RBMXL1: variants seen among roughly 807,000 people sequenced by gnomAD.
RBMXL1 encodes the protein RNA binding motif protein, X-linked-like-1.
Under a neutral mutation model 29.0 loss-of-function variants are expected in RBMXL1, and 18 were observed. That is an observed-to-expected ratio of 0.62 (90% CI 0.43 to 0.92). The LOEUF is 0.92. RBMXL1 is among the 40% of genes least tolerant of loss of function. The probability of loss-of-function intolerance (pLI) is 0.00; values close to 1 mark genes in which losing one functional copy is unlikely to be tolerated. For synonymous variants in RBMXL1, 141 were observed against 170.4 expected (o/e 0.83, Z 1.34); for missense variants, 403 against 495.8 (o/e 0.81, Z 1.78).
chr1:88,988,250 ACAG>A lies in RBMXL1; in HGVS notation c.-242_-241+1del, dbSNP rs1677584509. 3.7e-6 allele frequency: 6 copies of A among 1,603,852 alleles called. No individual in the cohort carries two copies. In the South Asian group the frequency reaches 5.5e-5, roughly 15 times the overall value. On this transcript the variant is annotated splice_donor_variant and 5_prime_UTR_variant, in exon 2 of 3. Coordinates refer to ENST00000652648, the MANE Select transcript of RBMXL1 (RefSeq NM_001162536.3). LOFTEE classifies it low-confidence loss of function (5UTR_SPLICE). ...ATTTATCTGTAAGTAAGCAATACCT[ACAG>A]CAGAAGTAGAGAATCCGAGGATTTT... is the stretch of plus-strand genomic sequence containing the variant.
chr1:88,982,810 G>C lies in RBMXL1; in HGVS notation c.1017C>G (p.Asp339Glu). The C allele has an allele frequency of 6.2e-7, 1 of 1,613,960 alleles. No homozygotes were observed. Residue 339 changes from aspartate to glutamate, a missense_variant, in exon 3 of 3, where the codon GAC (aspartate) becomes GAG (glutamate). By Grantham distance (45) the Asp-to-Glu change is conservative. Coordinates refer to ENST00000652648, the MANE Select transcript of RBMXL1 (RefSeq NM_001162536.3). ...SSRSDLYSSCDRVGRQERGLP... is the reference protein window; with the variant it reads ...SSRSDLYSSCERVGRQERGLP... ...GCCCTCTTTCTTGTCTGCCAACCCT[G>C]TCACAACTTGAGTAGAGATCACTTC...
At chr1:88,990,020 T>G (rs1403157369) in intron 1 of RBMXL1, among the ~76,000 whole-genome samples, 1 of 152,146 alleles carries the variant, frequency 6.6e-6, no homozygotes, top group Non-Finnish European at 1.5e-5. Context: ...ATTCTTTAAA[T>G]TTTTCCCACA....
intron 2 of RBMXL1, among the ~76,000 whole-genome samples, chr1:88,986,192 AAG>A (rs372559399): frequency 3.0e-4 from 45 of 150,094 alleles, no homozygotes; most frequent in Admixed American, 1.8e-3. Context: ...AAAAAAAAAA[AAG>A]AGAGAGAGAG....
chr1:88,985,864 A>G (rs931384122), intron 2 of RBMXL1, among the ~76,000 whole-genome samples: 4 of 152,196 alleles, frequency 2.6e-5, no homozygotes, highest in Non-Finnish European at 2.9e-5. Context: ...CTAAATGTAC[A>G]AAAGGTGATA....
intron 1 of RBMXL1, among the ~76,000 whole-genome samples, chr1:88,992,017 C>T (rs553061356): frequency 6.9e-6 from 1 of 145,664 alleles, no homozygotes; most frequent in South Asian, 2.1e-4. Context: ...CTTGCTCTGT[C>T]GCCCAGGCTG....
intron 2 of RBMXL1, among the ~76,000 whole-genome samples, chr1:88,986,367 T>A (rs1388641015): frequency 6.6e-6 from 1 of 151,730 alleles, no homozygotes; most frequent in Non-Finnish European, 1.5e-5. Flanking sequence ...GGCTCACGCC[T>A]GTAATCCCAG....
intron 2 of RBMXL1, among the ~76,000 whole-genome samples, chr1:88,985,921 CT>C (rs1677423037): frequency 6.6e-6 from 1 of 152,092 alleles, no homozygotes. Context: ...TGACTCATGC[CT>C]GTAATCTCAG....
At chr1:88,989,848 T>C (rs537149534) in intron 1 of RBMXL1, among the ~76,000 whole-genome samples, 9 of 152,288 alleles carry the variant, frequency 5.9e-5, no homozygotes, top group African/African-American at 2.2e-4. Flanking sequence ...GCACATTACC[T>C]CCATCATGCA....
intron 2 of RBMXL1, among the ~76,000 whole-genome samples, chr1:88,987,476 T>A (rs1186951236): frequency 2.0e-5 from 3 of 152,194 alleles, no homozygotes; most frequent in Non-Finnish European, 2.9e-5. Context: ...AGATTAGAAT[T>A]AGGTTGAATA....
rs1557707112 is a variant in RBMXL1 at position 88,983,808 on chromosome 1, G to T, written c.19C>A (p.Pro7Thr). The T allele has an allele frequency of 3.1e-6, 5 of 1,613,778 alleles. No individual in the cohort carries two copies. Among genetic ancestry groups the T allele is most frequent in the Non-Finnish European group, 4.2e-6 (5 of 1,179,868 alleles). ...AGCCCACCAATGAAGAGCTTTCCTGGGCGATCTGCTTCAACCATTTTTTTT... is the reference window on the plus strand; with the variant it reads ...AGCCCACCAATGAAGAGCTTTCCTGTGCGATCTGCTTCAACCATTTTTTTT... MVEADR[P>T]GKLFIGGLNT... Residue 7 changes from proline (P) to threonine (T), a missense_variant, in exon 3 of 3, where the codon CCA becomes ACA. Transcript: ENST00000652648.
intron 1 of RBMXL1, 143 bp downstream of exon 1, chr1:88,992,442 T>A (rs1317084219): frequency 1.3e-5 from 2 of 152,634 alleles, no homozygotes; most frequent in Non-Finnish European, 1.5e-5. Flanking sequence ...TAGGGCCGAC[T>A]CCCTGCAGCC....
rs546599173 is a variant in RBMXL1, at chr1:88,982,603, CTT to C, written c.*49_*50del. 7.8e-6 allele frequency: 12 copies of C among 1,538,974 alleles called. No homozygotes were observed. The highest frequency in any genetic ancestry group is 1.4e-5 in the African/African-American group (1 of 71,998). On this transcript the variant is annotated 3_prime_UTR_variant, in exon 3 of 3. Transcript: ENST00000652648. ...TAGTTATGATAGAATAGTTTCCACTCTTTTTTTTGTTTCTTTGAACTGGGATT... is the reference window on the plus strand; with the variant it reads ...TAGTTATGATAGAATAGTTTCCACTCTTTTTTGTTTCTTTGAACTGGGATT...
At chr1:88,985,273 G>A (rs1369900744) in intron 2 of RBMXL1, among the ~76,000 whole-genome samples, 1 of 152,134 alleles carries the variant, frequency 6.6e-6, no homozygotes, top group African/African-American at 2.4e-5. Flanking sequence ...AATAGGCCTG[G>A]GGCCCTTCTG....
chr1:88,986,984 T>C (rs1677496437), intron 2 of RBMXL1, among the ~76,000 whole-genome samples: 1 of 152,212 alleles, frequency 6.6e-6, no homozygotes, highest in Non-Finnish European at 1.5e-5. Flanking sequence ...AGTTACTTAA[T>C]TAAACATAAA....
intron 1 of RBMXL1, among the ~76,000 whole-genome samples, chr1:88,990,456 T>C (rs1259834819): frequency 6.6e-6 from 1 of 152,244 alleles, no homozygotes; most frequent in Non-Finnish European, 1.5e-5. Context: ...CTTCATATTG[T>C]TAAATCCAGT....
chr1:88,991,776 T>C (rs1243666361), intron 1 of RBMXL1, among the ~76,000 whole-genome samples: 1 of 152,222 alleles, frequency 6.6e-6, no homozygotes, highest in African/African-American at 2.4e-5. Context: ...CGGTTTTGGC[T>C]CCCGAAGTCA....
chr1:88,985,826 A>G (rs767690549), intron 2 of RBMXL1, among the ~76,000 whole-genome samples: 1 of 152,220 alleles, frequency 6.6e-6, no homozygotes, highest in Non-Finnish European at 1.5e-5. Context: ...CTTTGCACTA[A>G]AGGAGGCAAA....
Position 88,983,465 on chromosome 1 carries a change from C to G in RBMXL1, c.362G>C (p.Gly121Ala). The change falls in exon 3 of 3, where the codon GGA (glycine) becomes GCA (alanine). Residue 121 changes from glycine to alanine, a missense_variant. Coordinates refer to ENST00000652648, the MANE Select transcript of RBMXL1 (RefSeq NM_001162536.3). ...AGRGGSGGTR[G>A]PPSRGGHMDD... Reference sequence around the variant, plus strand: ...CATGTGTCCTCCTCGTGAAGGAGGTCCCCTGGTTCCTCCACTTCCTCCTCT... The same window carrying G: ...CATGTGTCCTCCTCGTGAAGGAGGTGCCCTGGTTCCTCCACTTCCTCCTCT... 6.2e-7 allele frequency: 1 copy of G among 1,614,086 alleles called. No individual in the cohort carries two copies. The highest frequency in any genetic ancestry group is 1.1e-5 in the South Asian group (1 of 91,072).
intron 1 of RBMXL1, among the ~76,000 whole-genome samples, chr1:88,990,931 T>C (rs1180384860): frequency 5.3e-5 from 8 of 152,232 alleles, no homozygotes; most frequent in African/African-American, 1.4e-4. Context: ...AAAAGGTATA[T>C]GGCTTTTAAT....
Sources: allele counts gnomAD v4.1 joint callset (sites outside exome capture counted in the v4.1 genomes callset), GRCh38; gene constraint gnomAD v4.1.1; transcripts MANE v1.5; gene names NCBI Gene and HGNC (gene_info 2026-07-23, HGNC 2026-07-21).